Variants in PRKCE observed in about 807,000 individuals in gnomAD.
PRKCE encodes protein kinase C epsilon, also known as protein kinase C epsilon type.
In PRKCE, 16 loss-of-function variants were observed where a neutral mutation model predicts 85.4. The observed-to-expected ratio is 0.19, with a 90% CI of 0.13 to 0.28. The LOEUF (loss-of-function observed/expected upper bound fraction) is 0.28. Among genes scored for constraint, PRKCE ranks in the 10% least tolerant of loss-of-function variants. The pLI is 1.00. For synonymous variants in PRKCE, 388 were observed against 371.5 expected, an observed-to-expected ratio of 1.04 and a Z score of -0.51; for missense variants, 573 against 975.2, an observed-to-expected ratio of 0.59 and a Z score of 5.49.
At chr2:46,031,524 T>TA (rs1288556961) in intron 10 of PRKCE, among the ~76,000 whole-genome samples, 1 of 152,048 alleles carries the variant, frequency 6.6e-6, no homozygotes, top group Non-Finnish European at 1.5e-5. Flanking sequence ...ACAAAAGTCT[T>TA]ATCTCCCAAA....
chr2:46,012,251 T>C (rs538919809), intron 10 of PRKCE, among the ~76,000 whole-genome samples: 3 of 152,212 alleles, frequency 2.0e-5, no homozygotes, highest in Admixed American at 6.5e-5. Context: ...GAAGATTTTT[T>C]CAAAGTCACC....
intron 1 of PRKCE, among the ~76,000 whole-genome samples, chr2:45,834,452 A>G (rs1340752638): frequency 6.6e-6 from 1 of 152,244 alleles, no homozygotes; most frequent in Non-Finnish European, 1.5e-5. Context: ...GGCGTAGAAT[A>G]AAGAATAAGG....
At chr2:46,060,627 G>A (rs1350409562) in intron 10 of PRKCE, among the ~76,000 whole-genome samples, 1 of 152,076 alleles carries the variant, frequency 6.6e-6, no homozygotes, top group Non-Finnish European at 1.5e-5. Flanking sequence ...AGTTCTGTGT[G>A]ATTATAAGAC....
At chr2:46,085,748 TG>T (rs750394897) in intron 10 of PRKCE, among the ~76,000 whole-genome samples, 15,423 of 34,200 alleles carry the variant, frequency 0.45, 2,882 homozygotes, top group Non-Finnish European at 0.5. Context: ...TTTTTTTTTT[TG>T]TTTTTGTTTT....
At chr2:45,876,570 G>T (rs77839282) in intron 2 of PRKCE, among the ~76,000 whole-genome samples, 3,451 of 152,284 alleles carry the variant, frequency 0.023, 73 homozygotes, top group African/African-American at 0.061. Flanking sequence ...TGTATAGACT[G>T]GTCCAGCCTA....
At chr2:45,799,669 G>C (rs563630886) in intron 1 of PRKCE, among the ~76,000 whole-genome samples, 2 of 152,348 alleles carry the variant, frequency 1.3e-5, no homozygotes, top group Admixed American at 6.5e-5. Flanking sequence ...AGTATAATTA[G>C]TGCATACTCA....
intron 11 of PRKCE, among the ~76,000 whole-genome samples, chr2:46,135,693 A>G (rs1391601811): frequency 1.4e-5 from 2 of 145,722 alleles, no homozygotes; most frequent in Non-Finnish European, 3.0e-5. Context: ...GGTTATCAGC[A>G]CTGCAATGGA....
intron 10 of PRKCE, among the ~76,000 whole-genome samples, chr2:46,034,013 G>T (rs1449050632): frequency 6.6e-6 from 1 of 152,216 alleles, no homozygotes; most frequent in Admixed American, 6.5e-5. Context: ...CCTAAAACAG[G>T]CACCAAGTCT....
At chr2:45,988,142 G>A (rs1302906143) in intron 6 of PRKCE, among the ~76,000 whole-genome samples, 1 of 152,166 alleles carries the variant, frequency 6.6e-6, no homozygotes, top group African/African-American at 2.4e-5. Flanking sequence ...ATGCTAGCAG[G>A]GCCTGCTAGG....
At chr2:45,903,880 A>ATTTTTTTTTT (rs1333299295) in intron 2 of PRKCE, among the ~76,000 whole-genome samples, 1 of 87,676 alleles carries the variant, frequency 1.1e-5, no homozygotes, top group Non-Finnish European at 2.1e-5. Context: ...GTAGCCTGGC[A>ATTTTTTTTTT]GTTTTTTTTT....
Position 45,753,199 on chromosome 2 carries a change from TA to T in PRKCE, c.349-89796del, listed in dbSNP as rs547521802. Among the ~76,000 whole-genome samples the T allele has an allele frequency of 2.3e-3, 350 of 152,174 alleles. 2 individuals carry two copies. The highest frequency in any genetic ancestry group is 1.4e-3 in the East Asian group (7 of 5,170). ...GCCTCAGAACTACCTGAAGCCTAGT[TA>T]AAAATGCACTAATTCCACCTCACCC... On this transcript the variant is annotated intron_variant, in intron 1 of 14. Coordinates refer to ENST00000306156, the MANE Select transcript of PRKCE (RefSeq NM_005400.3).
At chr2:45,972,730 A>G (rs926063307) in intron 2 of PRKCE, among the ~76,000 whole-genome samples, 18 of 152,200 alleles carry the variant, frequency 1.2e-4, no homozygotes, top group Middle Eastern at 3.2e-3. Context: ...TCCTTTTTCC[A>G]TTGTATATTC....
intron 11 of PRKCE, among the ~76,000 whole-genome samples, chr2:46,095,733 C>A (rs1432056563): frequency 1.3e-5 from 2 of 152,206 alleles, no homozygotes; most frequent in African/African-American, 4.8e-5. Context: ...CATTGTGTTG[C>A]ATTCTTTTCT....
intron 6 of PRKCE, among the ~76,000 whole-genome samples, chr2:45,993,298 G>C (rs60383211): frequency 6.6e-6 from 1 of 152,224 alleles, no homozygotes; most frequent in Non-Finnish European, 1.5e-5. Context: ...TCTTGCTCCC[G>C]TTATGGCTGC....
In PRKCE at chr2:46,065,405, T is replaced by C. The variant is rs537408002; in HGVS notation, c.1438-20803T>C. ...CCAACAAGTAAAAGCAGACGTCATTTCACGTAAAGAATTTCTCTGACTCCA... is the reference window on the plus strand; with the variant it reads ...CCAACAAGTAAAAGCAGACGTCATTCCACGTAAAGAATTTCTCTGACTCCA... On this transcript the variant is annotated intron_variant, in intron 10 of 14. Coordinates refer to ENST00000306156, the MANE Select transcript of PRKCE (RefSeq NM_005400.3). Among the ~76,000 whole-genome samples, 48 of 152,288 alleles carry C rather than the reference T, an allele frequency of 3.2e-4. 2 individuals carry two copies. In the South Asian group the frequency reaches 8.9e-3, roughly 28 times the overall value.
At chr2:46,069,696 A>G (rs930943304) in intron 10 of PRKCE, among the ~76,000 whole-genome samples, 1 of 152,224 alleles carries the variant, frequency 6.6e-6, no homozygotes, top group African/African-American at 2.4e-5. Context: ...TTATAATAAA[A>G]TTAGCACAAA....
chr2:45,714,106 C>T (rs1398864407), intron 1 of PRKCE, among the ~76,000 whole-genome samples: 2 of 152,058 alleles, frequency 1.3e-5, no homozygotes, highest in Admixed American at 6.6e-5. Context: ...TTTTGAGATC[C>T]AGTAGCCCCA....
chr2:45,869,529 C>G (rs1361965200), intron 2 of PRKCE, among the ~76,000 whole-genome samples: 1 of 152,076 alleles, frequency 6.6e-6, no homozygotes, highest in Non-Finnish European at 1.5e-5. Flanking sequence ...CTGTTTTTTC[C>G]CCTCATAGCA....
At chr2:45,820,066 A>G (rs1689397833) in intron 1 of PRKCE, among the ~76,000 whole-genome samples, 1 of 152,152 alleles carries the variant, frequency 6.6e-6, no homozygotes, top group Admixed American at 6.5e-5. Context: ...AGCAAAATAA[A>G]GGAGGATGTT....
Sources: allele counts gnomAD v4.1 joint callset (sites outside exome capture counted in the v4.1 genomes callset), GRCh38; gene constraint gnomAD v4.1.1; transcripts MANE v1.5; gene names NCBI Gene and HGNC (gene_info 2026-07-23, HGNC 2026-07-21).